The following PTPRT variants were observed in gnomAD, a reference collection of about 807,000 sequenced individuals.
PTPRT encodes protein tyrosine phosphatase receptor type T.
Under a neutral mutation model 176.8 loss-of-function variants are expected in PTPRT, and 56 were observed. That is an observed-to-expected ratio of 0.32 (90% confidence interval 0.26 to 0.40). PTPRT has a LOEUF of 0.40. PTPRT is among the 10% of genes least tolerant of loss of function. The pLI is 1.00. For missense variants in PTPRT, 1,540 were observed against 1,908.2 expected (o/e 0.81, Z 3.60); for synonymous variants, 783 against 739.0 (o/e 1.06, Z -0.96).
chr20:42,095,266 TG>T (rs1323368443), intron 27 of PTPRT, among the ~76,000 whole-genome samples: 1 of 152,222 alleles, frequency 6.6e-6, no homozygotes, highest in Non-Finnish European at 1.5e-5. Context: ...CAAATTATGT[TG>T]CTCCTCTGCT....
rs80182465 is a variant in PTPRT at position 42,116,315 on chromosome 20, G to A, written c.2983-1000C>T. Among the ~76,000 whole-genome samples, 531 of 152,248 alleles carry A rather than the reference G, an allele frequency of 3.5e-3. 20 individuals are homozygous for A. The East Asian group carries it at 0.074, about 21-fold the overall frequency. On this transcript the variant is annotated intron_variant, in intron 21 of 30. Transcript: ENST00000373187. ...CAGCATTTCCCAAACGTATTTAACCGTGGAACCCTCTTCTCACTAATCATC... is the reference window on the plus strand; with the variant it reads ...CAGCATTTCCCAAACGTATTTAACCATGGAACCCTCTTCTCACTAATCATC...
At chr20:42,861,326 T>C (rs2078656572) in intron 2 of PTPRT, among the ~76,000 whole-genome samples, 1 of 152,220 alleles carries the variant, frequency 6.6e-6, no homozygotes, top group Non-Finnish European at 1.5e-5. Flanking sequence ...ATTTAAATCA[T>C]TCATCTCTCA....
At chr20:42,329,115 A>G (rs2057927435) in intron 11 of PTPRT, among the ~76,000 whole-genome samples, 1 of 152,224 alleles carries the variant, frequency 6.6e-6, no homozygotes, top group East Asian at 1.9e-4. Context: ...TGGAGTCTAC[A>G]TGAGAGTCAA....
chr20:42,791,082 T>C, intron 3 of PTPRT, 113 bp downstream of exon 3: 1 of 1,341,540 alleles, frequency 7.5e-7, no homozygotes. Context: ...AGAAGCACAG[T>C]AAACACGAGT....
intron 7 of PTPRT, among the ~76,000 whole-genome samples, chr20:42,579,986 T>C (rs1364602200): frequency 6.6e-6 from 1 of 152,220 alleles, no homozygotes; most frequent in Non-Finnish European, 1.5e-5. Flanking sequence ...CCCATGCCTA[T>C]GTCCTGAATG....
At chr20:42,380,320 C>T (rs897049665) in intron 9 of PTPRT, among the ~76,000 whole-genome samples, 10 of 152,128 alleles carry the variant, frequency 6.6e-5, no homozygotes, top group African/African-American at 1.9e-4. Context: ...TTTCTGGCAC[C>T]GAGATGCATT....
intron 7 of PTPRT, among the ~76,000 whole-genome samples, chr20:42,658,756 T>C (rs1322623558): frequency 1.3e-5 from 2 of 152,210 alleles, no homozygotes; most frequent in Non-Finnish European, 2.9e-5. Context: ...GTCTCCCCCA[T>C]TAGTATTCAG....
intron 1 of PTPRT, among the ~76,000 whole-genome samples, chr20:43,066,787 A>T (rs2011115963): frequency 6.6e-6 from 1 of 152,202 alleles, no homozygotes; most frequent in Non-Finnish European, 1.5e-5. Flanking sequence ...AGGGCTCAGC[A>T]AACTTGATGG....
chr20:42,662,665 C>T (rs1480309965), intron 7 of PTPRT, among the ~76,000 whole-genome samples: 1 of 152,216 alleles, frequency 6.6e-6, no homozygotes, highest in South Asian at 2.1e-4. Flanking sequence ...GTCCAGCATC[C>T]TAAGGAGTGA....
chr20:42,380,010 G>A lies in PTPRT; in HGVS notation c.1561-27725C>T, dbSNP rs59036982. On this transcript the variant is annotated intron_variant, in intron 9 of 30. Transcript: ENST00000373187. ...AATCAAGGACTCCTTCACTCCCAAA[G>A]CTTTAATCTCTGGCTCCCATGAGTT... Among the ~76,000 whole-genome samples, 1,111 of 152,236 alleles carry A rather than the reference G, an allele frequency of 7.3e-3. 16 individuals carry two copies. Among genetic ancestry groups the A allele is most frequent in the African/African-American group, 0.025 (1,027 of 41,540 alleles).
chr20:42,053,347 G>A, the PTPRT span, among the ~76,000 whole-genome samples: 2 of 152,054 alleles, frequency 1.3e-5, no homozygotes, highest in Non-Finnish European at 2.9e-5. Context: ...CAATTGGAGC[G>A]GTACTGTGGT....
At chr20:42,173,348 T>C (rs1990155462) in intron 16 of PTPRT, among the ~76,000 whole-genome samples, 1 of 152,158 alleles carries the variant, frequency 6.6e-6, no homozygotes, top group African/African-American at 2.4e-5. Flanking sequence ...AGTGTGTGTA[T>C]CCTGGCAAGC....
intron 16 of PTPRT, among the ~76,000 whole-genome samples, chr20:42,186,572 G>A (rs999433402): frequency 6.6e-6 from 1 of 152,058 alleles, no homozygotes; most frequent in African/African-American, 2.4e-5. Flanking sequence ...GAGAGAGCCT[G>A]GGGAAGGTCA....
intron 9 of PTPRT, among the ~76,000 whole-genome samples, chr20:42,364,202 C>T (rs764738877): frequency 2.0e-5 from 3 of 152,160 alleles, no homozygotes; most frequent in Non-Finnish European, 4.4e-5. Context: ...TTGAGAGGCC[C>T]TTCTAAGGAG....
At chr20:42,735,701 T>C (rs146117129) in intron 6 of PTPRT, among the ~76,000 whole-genome samples, 358 of 152,128 alleles carry the variant, frequency 2.4e-3, no homozygotes, top group African/African-American at 7.8e-3. Flanking sequence ...AGGAAGGCAG[T>C]GGCTGCAGCT....
rs188713386 is a variant in PTPRT, at chr20:42,932,845, G to A, written c.89-46913C>T. On this transcript the variant is annotated intron_variant, in intron 1 of 30. Transcript: ENST00000373187. Reference sequence around the variant, plus strand: ...GCGTCTACTGCCTTTGGAATTGGATGCTATTAATACAAAGAGAAAAATGCA... The same window carrying A: ...GCGTCTACTGCCTTTGGAATTGGATACTATTAATACAAAGAGAAAAATGCA... Among the ~76,000 whole-genome samples the A allele has an allele frequency of 8.6e-4, 131 of 152,334 alleles. 3 individuals are homozygous for A. The highest frequency in any genetic ancestry group is 7.8e-3 in the Admixed American group (119 of 15,306).
intron 7 of PTPRT, among the ~76,000 whole-genome samples, chr20:42,658,984 A>C (rs993331940): frequency 6.6e-6 from 1 of 152,188 alleles, no homozygotes; most frequent in African/African-American, 2.4e-5. Flanking sequence ...TAATGGAAAG[A>C]AATGTCTCAA....
chr20:42,671,974 T>C (rs2075420564), intron 7 of PTPRT, among the ~76,000 whole-genome samples: 1 of 152,152 alleles, frequency 6.6e-6, no homozygotes, highest in Non-Finnish European at 1.5e-5. Flanking sequence ...ATTTATATAT[T>C]CCCATCACCT....
intron 1 of PTPRT, among the ~76,000 whole-genome samples, chr20:42,902,273 C>A (rs1194576055): frequency 6.6e-6 from 1 of 152,114 alleles, no homozygotes; most frequent in Non-Finnish European, 1.5e-5. Context: ...GCAGGCCTCC[C>A]CCAGCAAGTT....
Sources: gnomAD v4.1 joint callset for allele counts (sites outside exome capture counted in the v4.1 genomes callset) on GRCh38, gnomAD v4.1.1 for gene constraint, MANE v1.5 for transcripts, NCBI Gene and HGNC (gene_info 2026-07-23, HGNC 2026-07-21) for gene names.